The following ARHGEF17 variants were observed in gnomAD, a reference collection of about 807,000 sequenced individuals.
ARHGEF17 encodes the protein Rho guanine nucleotide exchange factor 17.
A neutral mutation model predicts 174.0 loss-of-function variants in ARHGEF17; 80 were observed. The ratio of observed to expected loss-of-function variants is 0.46; its 90% CI spans 0.38 to 0.55. The LOEUF (loss-of-function observed/expected upper bound fraction) is 0.55, where lower values mean the gene tolerates loss of function less well. Ranked by LOEUF, ARHGEF17 falls within the 20% of genes least tolerant of loss-of-function variation. The pLI, the probability that ARHGEF17 is intolerant of heterozygous loss-of-function variation, is 0.00. For missense variants in ARHGEF17, 2,886 were observed against 2,839.7 expected, an observed-to-expected ratio of 1.02 and a Z score of -0.37; for synonymous variants, 1,311 against 1,189.1, an observed-to-expected ratio of 1.10 and a Z score of -2.11.
chr11:73,360,995 C>A, intron 11 of ARHGEF17, 93 bp from the exon 12 acceptor site: 1 of 1,038,752 alleles, frequency 9.6e-7, no homozygotes, highest in Non-Finnish European at 1.5e-6. Context: ...CCCTGAGGGG[C>A]AGGGGAGGAA....
At position 73,308,736 on chromosome 11, in the gene ARHGEF17, C is replaced by A; in HGVS notation, c.98C>A (p.Thr33Lys). The A allele has an allele frequency of 6.6e-7, 1 of 1,504,184 alleles. No homozygotes were observed. Among genetic ancestry groups the A allele is most frequent in the Non-Finnish European group, 8.8e-7 (1 of 1,132,062 alleles). 93.2% of individuals were successfully genotyped at this position (1,504,184 alleles called of 1,614,324 possible). A position where few individuals can be genotyped will look rare whatever the true frequency, so the allele number is the denominator to read the frequency against. The change falls in exon 1 of 21, where the codon ACG (threonine) becomes AAG (lysine). Residue 33 changes from threonine (T) to lysine (K), a missense_variant. Around this residue, in one of 4 missense-constraint regions of ARHGEF17, gnomAD observed 1,728 missense variants for 1,461.2 expected, o/e 1.18. Transcript: ENST00000263674. The part of the protein sequence containing the change: ...SGGPGLREED[T>K]DTPGLRRRAS... ...GGCCCCGGGCTGAGGGAGGAGGACA[C>A]GGACACCCCCGGCTTGAGGCGACGC...
At chr11:73,325,193 G>T (rs911032915) in intron 1 of ARHGEF17, among the ~76,000 whole-genome samples, 1 of 152,150 alleles carries the variant, frequency 6.6e-6, no homozygotes, top group African/African-American at 2.4e-5. Flanking sequence ...GCCCAGAGAG[G>T]CCCAGACCCG....
chr11:73,328,778 G>A lies in ARHGEF17; in HGVS notation c.3192+16948G>A, dbSNP rs572888958. 4.6e-5 allele frequency among the ~76,000 whole-genome samples: 7 copies of A among 152,296 alleles called. No homozygotes were observed. In the East Asian group the frequency reaches 1.4e-3, roughly 29 times the overall value. On this transcript the variant is annotated intron_variant, in intron 1 of 20. Coordinates refer to ENST00000263674, the MANE Select transcript of ARHGEF17 (RefSeq NM_014786.4). ...ACCTCGTCCTCTGTATGTAGGCTGG[G>A]AACACAGGTGGTGCCCCAGCTATGA...
chr11:73,360,636 C>T, intron 11 of ARHGEF17, 103 bp downstream of exon 11: 1 of 1,245,788 alleles, frequency 8.0e-7, no homozygotes. Flanking sequence ...AACCGCAGTG[C>T]CCTGTGCTCC....
chr11:73,311,568 C>G lies in ARHGEF17; in HGVS notation c.2930C>G (p.Ser977Cys), dbSNP rs1257429175. ...MPIVVPEPPT[S>C]VGPPVAVPEP... ...ATTGTGGTGCCTGAGCCACCAACTTCTGTTGGTCCCCCTGTGGCTGTGCCA... is the reference window on the plus strand; with the variant it reads ...ATTGTGGTGCCTGAGCCACCAACTTGTGTTGGTCCCCCTGTGGCTGTGCCA... The change falls in exon 1 of 21, where the codon TCT becomes TGT. Residue 977 changes from serine to cysteine, a missense_variant. By Grantham distance (112) the Ser-to-Cys change is moderately radical (BLOSUM62 -1). Around this residue, in one of 4 missense-constraint regions of ARHGEF17, gnomAD observed 1,728 missense variants for 1,461.2 expected, o/e 1.18. Transcript: ENST00000263674. 14 of 1,613,556 alleles carry G rather than the reference C, an allele frequency of 8.7e-6. No homozygotes were observed. The highest frequency in any genetic ancestry group is 1.3e-5 in the African/African-American group (1 of 74,942).
chr11:73,335,811 G>C (rs890286505), intron 1 of ARHGEF17, among the ~76,000 whole-genome samples: 3 of 151,876 alleles, frequency 2.0e-5, no homozygotes, highest in Non-Finnish European at 4.4e-5. Flanking sequence ...GGGGAATTTA[G>C]AATCCATCTA....
intron 1 of ARHGEF17, among the ~76,000 whole-genome samples, chr11:73,346,671 G>A (rs892387976): frequency 6.6e-6 from 1 of 152,186 alleles, no homozygotes; most frequent in African/African-American, 2.4e-5. Flanking sequence ...TGAGGTGTAA[G>A]TCGGGGGCAG....
chr11:73,360,884 C>A (rs777860130), intron 11 of ARHGEF17, among the ~76,000 whole-genome samples: 1 of 152,190 alleles, frequency 6.6e-6, no homozygotes, highest in Non-Finnish European at 1.5e-5. Flanking sequence ...CCACAGAGAC[C>A]TCTGGGTCTA....
In ARHGEF17 at chr11:73,365,160, G is replaced by A. The variant is rs1487160382; in HGVS notation, c.5551-230G>A. On this transcript the variant is annotated intron_variant, in intron 18 of 20. Transcript: ENST00000263674. This position sits in a 1 kb window ranked among gnomAD's most constrained non-coding sequence, Gnocchi z 4.9. Reference sequence around the variant, plus strand: ...ATTTTAGAACCCTTTAAGCATTGAAGTTCTCTGATCCTTAAATCACTCAAG... The same window carrying A: ...ATTTTAGAACCCTTTAAGCATTGAAATTCTCTGATCCTTAAATCACTCAAG... 10 of 568,884 alleles carry A rather than the reference G, an allele frequency of 1.8e-5. No individual in the cohort carries two copies. Among genetic ancestry groups the A allele is most frequent in the Admixed American group, 3.1e-5 (1 of 32,374 alleles). The allele number at this position is 568,884 out of a possible 1,614,324, so 35.2% of individuals were successfully genotyped here.
At chr11:73,324,546 C>T (rs1565191588) in intron 1 of ARHGEF17, among the ~76,000 whole-genome samples, 2 of 152,176 alleles carry the variant, frequency 1.3e-5, no homozygotes, top group African/African-American at 2.4e-5. Context: ...GGATGGGAAG[C>T]AGACACAGGC....
intron 18 of ARHGEF17, chr11:73,364,907 T>G: frequency 2.8e-6 from 1 of 361,684 alleles, no homozygotes; most frequent in Non-Finnish European, 5.0e-6. Context: ...GATGTCAACA[T>G]CCATTAGCAT....
At chr11:73,363,073 G>A (rs1865774500) in intron 14 of ARHGEF17, 133 bp from the exon 15 acceptor site, 3 of 1,272,376 alleles carry the variant, frequency 2.4e-6, no homozygotes, top group Non-Finnish European at 2.1e-6. Flanking sequence ...CAGCAGACCG[G>A]AGCAGGCCGG....
chr11:73,311,873 G>A, intron 1 of ARHGEF17, 43 bp downstream of exon 1: 1 of 1,548,168 alleles, frequency 6.5e-7, no homozygotes, highest in Non-Finnish European at 8.7e-7. Context: ...CCAAAGAAGG[G>A]CCATGGGCAC....
chr11:73,342,091 G>C (rs1348986070), intron 1 of ARHGEF17, among the ~76,000 whole-genome samples: 2 of 151,992 alleles, frequency 1.3e-5, no homozygotes, highest in Admixed American at 6.5e-5. Context: ...GGGGTGCACA[G>C]TCTAGGTACG....
Position 73,309,617 on chromosome 11 carries a change from C to T in ARHGEF17, c.979C>T (p.Pro327Ser), listed in dbSNP as rs1207701550. 1.2e-6 allele frequency: 2 copies of T among 1,612,950 alleles called. No homozygotes were observed. The highest frequency in any genetic ancestry group is 8.5e-7 in the Non-Finnish European group (1 of 1,180,032). ...GAACTCAGCAGGGGTTTCTGGGAGC[C>T]CTGAGCCCCCAACATCTCCAAGAGC... ...SMNSAGVSGS[P>S]EPPTSPRAPR... Residue 327 changes from proline (P) to serine (S), a missense_variant, in exon 1 of 21, where the codon CCT becomes TCT. Physicochemically the swap from Pro to Ser is moderately conservative, Grantham distance 74. Coordinates refer to ENST00000263674, the MANE Select transcript of ARHGEF17 (RefSeq NM_014786.4).
rs944180393 is a variant in ARHGEF17, at chr11:73,365,030, T to C, written c.5551-360T>C. Reference sequence around the variant, plus strand: ...TATTCCATTGTTGGCTGGGCAGGAGTCCAAAGCCCTGGGTTCAGGCCCCAG... The same window carrying C: ...TATTCCATTGTTGGCTGGGCAGGAGCCCAAAGCCCTGGGTTCAGGCCCCAG... On this transcript the variant is annotated intron_variant, in intron 18 of 20. Coordinates refer to ENST00000263674, the MANE Select transcript of ARHGEF17 (RefSeq NM_014786.4). The surrounding 1 kb of genome is among the most constrained non-coding windows in gnomAD (Gnocchi z 4.9). 2 of 316,540 alleles carry C rather than the reference T, an allele frequency of 6.3e-6. No homozygotes were observed. The highest frequency in any genetic ancestry group is 2.1e-5 in the African/African-American group (1 of 46,724). The allele number at this position is 316,540 out of a possible 1,614,324, so 19.6% of individuals were successfully genotyped here.
chr11:73,311,940 G>A, intron 1 of ARHGEF17, 110 bp downstream of exon 1: 1 of 1,323,404 alleles, frequency 7.6e-7, no homozygotes, highest in Non-Finnish European at 1.0e-6. Context: ...CAGGTGCCAA[G>A]GGTGCTTTTC....
chr11:73,361,258 G>A, intron 12 of ARHGEF17, 97 bp downstream of exon 12: 1 of 1,117,704 alleles, frequency 8.9e-7, no homozygotes, highest in Non-Finnish European at 1.3e-6. Context: ...CGTGAACATT[G>A]CTATTGCTCC....
intron 1 of ARHGEF17, among the ~76,000 whole-genome samples, chr11:73,318,762 A>G (rs988924476): frequency 6.6e-6 from 1 of 152,230 alleles, no homozygotes; most frequent in African/African-American, 2.4e-5. Context: ...ACCTGTGCTG[A>G]TTGCAGAGGT....
Sources: allele counts gnomAD v4.1 joint callset (sites outside exome capture counted in the v4.1 genomes callset), GRCh38; gene constraint gnomAD v4.1.1; regional missense constraint gnomAD v4.1.1; non-coding constraint Gnocchi (gnomAD v3.1); transcripts MANE v1.5; gene names NCBI Gene and HGNC (gene_info 2026-07-23, HGNC 2026-07-21).